The following PCDHA9 variants were observed in gnomAD, a reference collection of about 807,000 sequenced individuals.
The protein encoded by PCDHA9 is protocadherin alpha-9.
A neutral mutation model predicts 62.0 loss-of-function variants in PCDHA9; 62 were observed. The observed-to-expected ratio is 1.00, with a 90% CI of 0.81 to 1.23. PCDHA9 has a LOEUF of 1.23. PCDHA9 is among the 50% of genes most tolerant of loss of function. The pLI, the probability that PCDHA9 is intolerant of heterozygous loss-of-function variation, is 0.00. For missense variants in PCDHA9, 1,205 were observed against 1,249.8 expected, an observed-to-expected ratio of 0.96 and a Z score of 0.54; for synonymous variants, 557 against 567.6, an observed-to-expected ratio of 0.98 and a Z score of 0.27.
intron 1 of PCDHA9, chr5:140,967,059 C>A (rs2153750398): frequency 6.2e-7 from 1 of 1,612,750 alleles, no homozygotes; most frequent in Non-Finnish European, 8.5e-7. Context: ...ACGAGTGGAG[C>A]GCTCTTCGTC....
chr5:140,922,647 A>G (rs568444047), intron 1 of PCDHA9, among the ~76,000 whole-genome samples: 35 of 152,262 alleles, frequency 2.3e-4, no homozygotes, highest in Non-Finnish European at 4.6e-4. Context: ...ATCAAACAGT[A>G]AATATGGCTA....
At position 140,851,049 on chromosome 5, in the gene PCDHA9, T is replaced by C. The variant is rs114642351; in HGVS notation, c.2394+160T>C. 2.7e-3 allele frequency: 3,765 copies of C among 1,386,504 alleles called. 305 individuals are homozygous for C. The highest frequency in any genetic ancestry group is 3.1e-3 in the Non-Finnish European group (3,266 of 1,057,356). The allele number at this position is 1,386,504 out of a possible 1,614,324, so 85.9% of individuals were successfully genotyped here. On this transcript the variant is annotated intron_variant, in intron 1 of 3. Coordinates refer to ENST00000532602, the MANE Select transcript of PCDHA9 (RefSeq NM_031857.2). ...AACCCCTTAACATTGGAGCCGACTTTGTCTTGACTTCTAGTGAGAATTATA... is the reference window on the plus strand; with the variant it reads ...AACCCCTTAACATTGGAGCCGACTTCGTCTTGACTTCTAGTGAGAATTATA...
At position 140,856,829 on chromosome 5, in the gene PCDHA9, A is replaced by G. The variant is rs781823533; in HGVS notation, c.2394+5940A>G. The G allele has an allele frequency of 3.4e-5, 54 of 1,592,340 alleles. 7 individuals are homozygous for G. The highest frequency in any genetic ancestry group is 4.6e-5 in the Non-Finnish European group (54 of 1,162,524). ...AAATCAAGTGAACCAAACATTAGTA[A>G]TACGGCTCAACGCTTCTGATTCGGA... On this transcript the variant is annotated intron_variant, in intron 1 of 3. Coordinates refer to ENST00000532602, the MANE Select transcript of PCDHA9 (RefSeq NM_031857.2).
chr5:140,901,333 T>C (rs1370254894), intron 1 of PCDHA9, among the ~76,000 whole-genome samples: 1 of 152,200 alleles, frequency 6.6e-6, no homozygotes, highest in East Asian at 1.9e-4. Flanking sequence ...TTGTAGTCGT[T>C]TTATAGTTTG....
chr5:140,877,153 A>T (rs2056892429), intron 1 of PCDHA9: 2 of 1,613,798 alleles, frequency 1.2e-6, no homozygotes, highest in Non-Finnish European at 1.7e-6. Flanking sequence ...CGAGAACGAC[A>T]ACGCGCCGGC....
At position 141,011,517 on chromosome 5, in the gene PCDHA9, T is replaced by C. The variant is rs1397450262; in HGVS notation, c.*1580T>C. 2.6e-5 allele frequency: 4 copies of C among 153,768 alleles called. No individual in the cohort carries two copies. The highest frequency in any genetic ancestry group is 5.9e-5 in the Non-Finnish European group (4 of 68,028). The allele number at this position is 153,768 out of a possible 1,614,324, so 9.5% of individuals were successfully genotyped here. On this transcript the variant is annotated 3_prime_UTR_variant, in exon 4 of 4. Transcript: ENST00000532602. Reference sequence around the variant, plus strand: ...ACCTGTGAAAAAGTGGAGTAGTGTTTTTTTAACCATTGTTAATCAGCTTTT... The same window carrying C: ...ACCTGTGAAAAAGTGGAGTAGTGTTCTTTTAACCATTGTTAATCAGCTTTT...
chr5:140,978,974 G>T lies in PCDHA9; in HGVS notation c.2420G>T (p.Arg807Leu). ...GKPRQPNPDW[R>L]YSASLRAGMH... is the part of the protein sequence containing the mutation. ...CCACGACAGCCCAACCCTGACTGGC[G>T]TTACTCTGCCTCCCTGAGAGCAGGC... Residue 807 changes from arginine to leucine, a missense_variant, in exon 2 of 4, where the codon CGT becomes CTT. Arg to Leu is a moderately radical substitution (Grantham distance 102, BLOSUM62 -2). Coordinates refer to ENST00000532602, the MANE Select transcript of PCDHA9 (RefSeq NM_031857.2). 6.2e-7 allele frequency: 1 copy of T among 1,614,130 alleles called. No individual in the cohort carries two copies. Among genetic ancestry groups the T allele is most frequent in the East Asian group, 2.2e-5 (1 of 44,882 alleles).
rs1382251688 is a variant in PCDHA9, at chr5:141,010,812, C to A, written c.*875C>A. The A allele has an allele frequency of 6.5e-6, 1 of 153,746 alleles. No homozygotes were observed. Among genetic ancestry groups the A allele is most frequent in the Non-Finnish European group, 1.5e-5 (1 of 68,054 alleles). The allele number at this position is 153,746 out of a possible 1,614,324, so 9.5% of individuals were successfully genotyped here. On this transcript the variant is annotated 3_prime_UTR_variant, in exon 4 of 4. Coordinates refer to ENST00000532602, the MANE Select transcript of PCDHA9 (RefSeq NM_031857.2). The stretch of plus-strand genomic sequence containing the variant: ...GCAAAAGAAAACCCCGACACCTCAC[C>A]TTTCGCTGTTTGTTGTTTCATAGAT...
At chr5:140,882,114 C>T (rs1464753090) in intron 1 of PCDHA9, 25 of 1,406,582 alleles carry the variant, frequency 1.8e-5, no homozygotes, top group Non-Finnish European at 2.2e-5. Flanking sequence ...AAGAAAGCCG[C>T]CGTTTCTTTC....
intron 1 of PCDHA9, chr5:140,882,287 G>A (rs1289206552): frequency 3.1e-6 from 5 of 1,613,126 alleles, no homozygotes; most frequent in African/African-American, 1.3e-5. Context: ...TTCCTGGCAA[G>A]GAGGCCCAAG....
chr5:140,952,852 G>A (rs887887464), intron 1 of PCDHA9, among the ~76,000 whole-genome samples: 2 of 152,068 alleles, frequency 1.3e-5, no homozygotes, highest in Non-Finnish European at 2.9e-5. Context: ...TTGTCTTCTG[G>A]GGAGGCCTCA....
chr5:140,868,895 G>A (rs782646284), intron 1 of PCDHA9: 198 of 777,068 alleles, frequency 2.5e-4, no homozygotes, highest in Admixed American at 3.7e-4. Flanking sequence ...TAGGCGCAAG[G>A]TGTCGCTCTT....
chr5:140,927,705 C>T (rs2084535217), intron 1 of PCDHA9: 1 of 1,614,100 alleles, frequency 6.2e-7, no homozygotes, highest in African/African-American at 1.3e-5. Flanking sequence ...TCCAGTACTC[C>T]CTAAGCAACA....
intron 3 of PCDHA9, among the ~76,000 whole-genome samples, chr5:140,997,668 T>TTGTGTGTGTGTGTGTGTGTG (rs35184029): frequency 6.7e-6 from 1 of 148,244 alleles, no homozygotes; most frequent in African/African-American, 2.5e-5. Context: ...ATTATACAGC[T>TTGTGTGTGTGTGTGTGTGTG]TGTGTGTGTG....
chr5:140,947,987 C>G (rs1554218389), intron 1 of PCDHA9, among the ~76,000 whole-genome samples: 1 of 144,778 alleles, frequency 6.9e-6, no homozygotes, highest in African/African-American at 2.6e-5. Context: ...AGGTTTTTCC[C>G]AAATACTTTA....
At chr5:140,882,009 A>C in intron 1 of PCDHA9, 1 of 522,488 alleles carries the variant, frequency 1.9e-6, no homozygotes, top group East Asian at 3.2e-5. Context: ...AGGGGCAAAA[A>C]AATACTACAT....
intron 1 of PCDHA9, among the ~76,000 whole-genome samples, chr5:140,893,408 T>C (rs1562871197): frequency 6.6e-6 from 1 of 152,076 alleles, no homozygotes; most frequent in Non-Finnish European, 1.5e-5. Flanking sequence ...ATCCCAGCAC[T>C]TAGGGAGGCA....
intron 1 of PCDHA9, among the ~76,000 whole-genome samples, chr5:140,874,456 A>T (rs1554167207): frequency 6.6e-6 from 1 of 152,236 alleles, no homozygotes; most frequent in Non-Finnish European, 1.5e-5. Flanking sequence ...AATGACCTGT[A>T]GGGGAAGATT....
chr5:140,978,906 T>C, intron 1 of PCDHA9, 43 bp from the exon 2 acceptor site: 1 of 1,613,530 alleles, frequency 6.2e-7, no homozygotes, highest in Non-Finnish European at 8.5e-7. Flanking sequence ...GGGAGAACAT[T>C]GTCTTGTCAT....
Sources: allele counts gnomAD v4.1 joint callset (sites outside exome capture counted in the v4.1 genomes callset), GRCh38; gene constraint gnomAD v4.1.1; transcripts MANE v1.5; gene names NCBI Gene and HGNC (gene_info 2026-07-23, HGNC 2026-07-21).